LIMD1: variants seen among roughly 807,000 people sequenced by gnomAD.
LIMD1 encodes the protein LIM domain-containing protein 1.
LIMD1 carries 23 observed loss-of-function variants against 58.4 expected under a neutral mutation model. The ratio of observed to expected loss-of-function variants is 0.39; its 90% CI spans 0.28 to 0.56. LIMD1 has a LOEUF of 0.56. Among genes scored for constraint, LIMD1 ranks in the 20% least tolerant of loss-of-function variants. LIMD1 has a pLI of 0.57. For missense variants in LIMD1, 838 were observed against 855.5 expected (o/e 0.98, Z 0.25); for synonymous variants, 334 against 345.5 (o/e 0.97, Z 0.37).
At chr3:45,623,026 A>G (rs1335586612) in intron 1 of LIMD1, among the ~76,000 whole-genome samples, 4 of 152,142 alleles carry the variant, frequency 2.6e-5, no homozygotes, top group Non-Finnish European at 5.9e-5. Context: ...GTCCACGTTT[A>G]TGCTTCCATT....
Position 45,677,040 on chromosome 3 carries a change from T to A in LIMD1, c.2012T>A (p.Leu671His). 6.2e-7 allele frequency: 1 copy of A among 1,613,840 alleles called. No homozygotes were observed. Among genetic ancestry groups the A allele is most frequent in the Non-Finnish European group, 8.5e-7 (1 of 1,179,976 alleles). Residue 671 changes from leucine to histidine, a missense_variant, in exon 8 of 8, where the codon CTT (leucine) becomes CAT (histidine). Leu to His is a moderately conservative substitution (Grantham distance 99, BLOSUM62 -3). This residue lies in a region of LIMD1 where 174 missense variants were observed against 197.4 expected (regional missense o/e 0.88). Coordinates refer to ENST00000273317, the MANE Select transcript of LIMD1 (RefSeq NM_014240.3). ...GAGAAGAGACCCTCATCTACAGCCCTTCACCAGCACCACTTCTAGCCAGAG... is the reference window on the plus strand; with the variant it reads ...GAGAAGAGACCCTCATCTACAGCCCATCACCAGCACCACTTCTAGCCAGAG... ...RLEKRPSSTA[L>H]HQHHF is the part of the protein sequence containing the mutation.
intron 1 of LIMD1, among the ~76,000 whole-genome samples, chr3:45,628,839 G>A (rs1701696720): frequency 6.6e-6 from 1 of 152,324 alleles, no homozygotes; most frequent in East Asian, 1.9e-4. Flanking sequence ...AGAGGAATGA[G>A]CTCCTGCTGC....
At chr3:45,663,268 TC>T (rs1697467691) in intron 2 of LIMD1, among the ~76,000 whole-genome samples, 2 of 152,224 alleles carry the variant, frequency 1.3e-5, no homozygotes, top group Admixed American at 1.3e-4. Flanking sequence ...GCCGTGAACA[TC>T]CATACATGTC....
chr3:45,639,009 G>A (rs766101299), intron 2 of LIMD1, among the ~76,000 whole-genome samples: 3 of 152,108 alleles, frequency 2.0e-5, no homozygotes, highest in Non-Finnish European at 2.9e-5. Context: ...CTGGGACTGC[G>A]GGCATGTGCC....
intron 1 of LIMD1, among the ~76,000 whole-genome samples, chr3:45,603,125 G>A (rs1160285546): frequency 6.6e-6 from 1 of 152,232 alleles, no homozygotes. Flanking sequence ...ACAGGCGTGA[G>A]CCACTGCACC....
chr3:45,679,200 A>G lies in LIMD1; in HGVS notation c.*2141A>G, dbSNP rs902735956. 6.6e-6 allele frequency: 1 copy of G among 152,216 alleles called. No individual in the cohort carries two copies. The highest frequency in any genetic ancestry group is 1.5e-5 in the Non-Finnish European group (1 of 68,036). 9.4% of individuals were successfully genotyped at this position (152,216 alleles called of 1,614,324 possible). On this transcript the variant is annotated 3_prime_UTR_variant, in exon 8 of 8. Transcript: ENST00000273317. ...GATTACATTTTTAAATGAAATTTTC[A>G]AAGTGGCCTAGATTGAGGTGATTCA...
chr3:45,666,988 G>A (rs189261570), intron 3 of LIMD1, among the ~76,000 whole-genome samples: 3 of 152,274 alleles, frequency 2.0e-5, no homozygotes, highest in Admixed American at 1.3e-4. Flanking sequence ...ACCCAAACGG[G>A]CTTAAGTAAA....
At chr3:45,650,494 A>AC (rs1174459522) in intron 2 of LIMD1, among the ~76,000 whole-genome samples, 575 of 48,122 alleles carry the variant, frequency 0.012, 5 homozygotes, top group African/African-American at 0.039. Context: ...CCAGCCCCCC[A>AC]CCCCCCCCAA....
At chr3:45,663,787 T>G (rs957213434) in intron 2 of LIMD1, among the ~76,000 whole-genome samples, 3 of 151,940 alleles carry the variant, frequency 2.0e-5, no homozygotes, top group Non-Finnish European at 4.4e-5. Context: ...CAGTCTTGAC[T>G]CACTGCAATC....
intron 1 of LIMD1, among the ~76,000 whole-genome samples, chr3:45,629,122 C>T (rs1023402191): frequency 6.6e-6 from 1 of 151,982 alleles, no homozygotes; most frequent in Non-Finnish European, 1.5e-5. Flanking sequence ...ATAGAAATGT[C>T]ACAACACGGG....
chr3:45,601,735 A>G (rs1701414812), intron 1 of LIMD1, among the ~76,000 whole-genome samples: 1 of 152,172 alleles, frequency 6.6e-6, no homozygotes, highest in African/African-American at 2.4e-5. Flanking sequence ...GCTCAAGACC[A>G]TATGGGTACA....
At chr3:45,642,347 T>C (rs755425854) in intron 2 of LIMD1, among the ~76,000 whole-genome samples, 1 of 152,068 alleles carries the variant, frequency 6.6e-6, no homozygotes. Flanking sequence ...AGCTATTTTT[T>C]ATTATTTTTT....
intron 1 of LIMD1, among the ~76,000 whole-genome samples, chr3:45,599,415 C>T (rs545162961): frequency 1.1e-4 from 16 of 152,288 alleles, no homozygotes; most frequent in East Asian, 1.9e-4. Context: ...CATTTAGAAA[C>T]GGAATCGTGT....
chr3:45,650,627 G>A (rs1243910809), intron 2 of LIMD1, among the ~76,000 whole-genome samples: 2 of 151,628 alleles, frequency 1.3e-5, no homozygotes, highest in Non-Finnish European at 2.9e-5. Flanking sequence ...TGAGAATGAT[G>A]GTTTCCAGCT....
intron 2 of LIMD1, among the ~76,000 whole-genome samples, chr3:45,641,749 G>A (rs1419908129): frequency 6.6e-6 from 1 of 152,172 alleles, no homozygotes; most frequent in Non-Finnish European, 1.5e-5. Flanking sequence ...CAAAGAATGT[G>A]TCAAAGGTAC....
At chr3:45,604,810 C>T (rs7621943) in intron 1 of LIMD1, among the ~76,000 whole-genome samples, 3,006 of 152,290 alleles carry the variant, frequency 0.02, 91 homozygotes, top group African/African-American at 0.068. Flanking sequence ...GTCATGCTTT[C>T]TCTCTGGAGT....
intron 1 of LIMD1, among the ~76,000 whole-genome samples, chr3:45,628,862 G>A (rs1701697115): frequency 6.6e-6 from 1 of 152,218 alleles, no homozygotes. Flanking sequence ...GTAACAGCAT[G>A]CGTGAATCTC....
Position 45,682,584 on chromosome 3 carries a change from G to A in LIMD1, c.*5525G>A, listed in dbSNP as rs1285549567. 6.6e-6 allele frequency: 1 copy of A among 152,266 alleles called. No homozygotes were observed. The highest frequency in any genetic ancestry group is 1.5e-5 in the Non-Finnish European group (1 of 68,066). 9.4% of individuals were successfully genotyped at this position (152,266 alleles called of 1,614,324 possible). On this transcript the variant is annotated 3_prime_UTR_variant, in exon 8 of 8. Transcript: ENST00000273317. Reference sequence around the variant, plus strand: ...CCCGTGTGCTCATCACATAGCAGATGTTATTCCAAGGACTGTATGTTCTTT... The same window carrying A: ...CCCGTGTGCTCATCACATAGCAGATATTATTCCAAGGACTGTATGTTCTTT...
Position 45,595,629 on chromosome 3 carries a change from C to T in LIMD1, c.750C>T (p.Gly250=), listed in dbSNP as rs377087906. The T allele has an allele frequency of 5.8e-5, 94 of 1,613,780 alleles. No homozygotes were observed. The African/African-American group carries it at 1.1e-3, about 19-fold the overall frequency. ...GTAGCCTCGGTGGTCAGAATAGTGGCATTGGTGGCCGCAGCAGCGAGAAGC... is the reference window on the plus strand; with the variant it reads ...GTAGCCTCGGTGGTCAGAATAGTGGTATTGGTGGCCGCAGCAGCGAGAAGC... ...SEGSLGGQNS[G]IGGRSSEKPT... The change falls in exon 1 of 8, where the codon GGC becomes GGT. Residue 250 remains glycine, a synonymous_variant. Transcript: ENST00000273317.
Sources: allele counts gnomAD v4.1 joint callset (sites outside exome capture counted in the v4.1 genomes callset), GRCh38; gene constraint gnomAD v4.1.1; regional missense constraint gnomAD v4.1.1; transcripts MANE v1.5; gene names NCBI Gene and HGNC (gene_info 2026-07-23, HGNC 2026-07-21).